NT5DC2: variants seen among roughly 807,000 people sequenced by gnomAD.
NT5DC2 encodes 5'-nucleotidase domain-containing protein 2.
NT5DC2 carries 41 observed loss-of-function variants against 70.0 expected under a neutral mutation model. The observed-to-expected ratio is 0.59, with a 90% CI of 0.46 to 0.76. The LOEUF (loss-of-function observed/expected upper bound fraction) is 0.76, where lower values mean the gene tolerates loss of function less well. Ranked by LOEUF, NT5DC2 falls within the 30% of genes least tolerant of loss-of-function variation. NT5DC2 has a pLI of 0.00. For synonymous variants in NT5DC2, 299 were observed against 310.4 expected (o/e 0.96, Z 0.39); for missense variants, 705 against 783.2 (o/e 0.90, Z 1.19).
Position 52,533,775 on chromosome 3 carries a change from G to GCCCGCCCGCCGCCCGCCGC in NT5DC2, c.-39_-38insGCGGCGGGCGGCGGGCGGG. ...CCGCCCGCCGCCCGCGCTGCCCTCG[G>GCCCGCCCGCCGCCCGCCGC]CCAGCCCGCCGCCCGCCGCCCGCCG... On this transcript the variant is annotated 5_prime_UTR_variant, in exon 1 of 14. Transcript: ENST00000422318. The GCCCGCCCGCCGCCCGCCGC allele has an allele frequency of 1.1e-6, 1 of 911,506 alleles. No individual in the cohort carries two copies. Among genetic ancestry groups the GCCCGCCCGCCGCCCGCCGC allele is most frequent in the Non-Finnish European group, 1.3e-6 (1 of 795,996 alleles). The allele number at this position is 911,506 out of a possible 1,614,324, so 56.5% of individuals were successfully genotyped here.
rs1403232533 is a variant in NT5DC2, at chr3:52,529,001, C to G, written c.418-66G>C. The G allele has an allele frequency of 1.3e-6, 2 of 1,598,592 alleles. No individual in the cohort carries two copies. The highest frequency in any genetic ancestry group is 2.7e-5 in the African/African-American group (2 of 74,646). On this transcript the variant is annotated intron_variant, in intron 2 of 13. Transcript: ENST00000422318. This position sits in a 1 kb window ranked among gnomAD's most constrained non-coding sequence, Gnocchi z 4.1. ...CCAGACCTGCTGGCTGGGTGGCCAC[C>G]CCAGGGGGTCAATCCAGCCACCTGC...
intron 3 of NT5DC2, 58 bp downstream of exon 3, chr3:52,528,803 A>ATCC (rs1559739228): frequency 6.2e-7 from 1 of 1,601,124 alleles, no homozygotes; most frequent in East Asian, 2.2e-5. Context: ...ACGGAGGGGT[A>ATCC]ATGACCATAC....
chr3:52,534,592 A>G, upstream of NT5DC2: 1 of 1,613,846 alleles, frequency 6.2e-7, no homozygotes, highest in Non-Finnish European at 8.5e-7. Context: ...CTTTTCTAGC[A>G]ACGTCGACAG....
upstream of NT5DC2, chr3:52,534,794 G>T: frequency 1.0e-6 from 1 of 999,024 alleles, no homozygotes; most frequent in Non-Finnish European, 1.5e-6. Flanking sequence ...TGGCCGCGCT[G>T]TCTTTCAGGG....
intron 1 of NT5DC2, among the ~76,000 whole-genome samples, chr3:52,530,699 TA>T (rs1478920334): frequency 1.3e-5 from 2 of 151,890 alleles, no homozygotes; most frequent in African/African-American, 4.8e-5. Context: ...AAAACATTTT[TA>T]AAAAGAAAAA....
Position 52,529,358 on chromosome 3 carries a change from G to C in NT5DC2, c.233-24C>G, listed in dbSNP as rs2079329169. ...GTCTAGAGGAAGGAGATGCAGGGAG[G>C]CAGTGATGGGGATGATGATCCCTGC... is the stretch of plus-strand genomic sequence containing the variant. On this transcript the variant is annotated intron_variant, in intron 1 of 13. Coordinates refer to ENST00000422318, the MANE Select transcript of NT5DC2 (RefSeq NM_001134231.2). This position sits in a 1 kb window ranked among gnomAD's most constrained non-coding sequence, Gnocchi z 4.1. The C allele has an allele frequency of 6.2e-7, 1 of 1,608,142 alleles. No homozygotes were observed. Among genetic ancestry groups the C allele is most frequent in the African/African-American group, 1.3e-5 (1 of 74,920 alleles).
intron 1 of NT5DC2, chr3:52,532,275 C>T (rs1172111347): frequency 2.2e-5 from 22 of 985,266 alleles, no homozygotes; most frequent in South Asian, 9.4e-5. Flanking sequence ...AGTAGATCCC[C>T]GTAGTCCTCC....
upstream of NT5DC2, chr3:52,533,969 TC>T: frequency 2.6e-6 from 1 of 385,998 alleles, no homozygotes; most frequent in Non-Finnish European, 3.5e-6. Flanking sequence ...CCCAGCCCCC[TC>T]CCCCAGCCAG....
rs139342744 is a variant in NT5DC2, at chr3:52,528,893, C to T, written c.460G>A (p.Ala154Thr). 13 of 1,613,926 alleles carry T rather than the reference C, an allele frequency of 8.1e-6. No individual in the cohort carries two copies. The African/African-American group carries it at 1.1e-4, about 13-fold the overall frequency. ...ATGTCATAGTGGAGGCCACGGATGGCAAAGCTGGGGTTGTAGTCATACTTC... is the reference window on the plus strand; with the variant it reads ...ATGTCATAGTGGAGGCCACGGATGGTAAAGCTGGGGTTGTAGTCATACTTC... ...IRKYDYNPSF[A>T]IRGLHYDIQK... Residue 154 changes from alanine (A) to threonine (T), a missense_variant, in exon 3 of 14, where the codon GCC becomes ACC. Ala to Thr is a moderately conservative substitution (Grantham distance 58). Transcript: ENST00000422318.
Position 52,525,220 on chromosome 3 carries a change from T to C in NT5DC2, c.1195A>G (p.Ser399Gly), listed in dbSNP as rs1284620726. 6.2e-7 allele frequency: 1 copy of C among 1,611,992 alleles called. No individual in the cohort carries two copies. The highest frequency in any genetic ancestry group is 1.7e-5 in the Admixed American group (1 of 59,952). ...CCTGCCTCCCTCACCGCCAGATCAC[T>C]ATAGAGGTGGTCCCCGAAGTAGAGC... is the stretch of plus-strand genomic sequence containing the variant. Reference protein sequence around the residue: ...RVLYFGDHLYSDLADLMLRHG... With the variant: ...RVLYFGDHLYGDLADLMLRHG... Residue 399 changes from serine to glycine, a missense_variant, in exon 11 of 14, where the codon AGT becomes GGT. Transcript: ENST00000422318.
At chr3:52,534,140 G>A, upstream of NT5DC2, 1 of 294,994 alleles carries the variant, frequency 3.4e-6, no homozygotes, top group Non-Finnish European at 6.5e-6. Flanking sequence ...GACAGCCGGA[G>A]CGCGACGGGT....
rs2153239070 is a variant in NT5DC2 at position 52,529,291 on chromosome 3, G to A, written c.276C>T (p.Ala92=). Residue 92 remains alanine (A), a synonymous_variant, in exon 2 of 14, where the codon GCC becomes GCT. Coordinates refer to ENST00000422318, the MANE Select transcript of NT5DC2 (RefSeq NM_001134231.2). The surrounding 1 kb of genome is among the most constrained non-coding windows in gnomAD (Gnocchi z 4.1). ...PEVCSLLNPA[A]IYANNEISLR... Reference sequence around the variant, plus strand: ...GGCTGATCTCGTTGTTGGCGTAGATGGCTGCTGGGTTCAGGAGACTGCAGA... The same window carrying A: ...GGCTGATCTCGTTGTTGGCGTAGATAGCTGCTGGGTTCAGGAGACTGCAGA... The A allele has an allele frequency of 1.9e-6, 3 of 1,613,908 alleles. No homozygotes were observed. Among genetic ancestry groups the A allele is most frequent in the Non-Finnish European group, 2.5e-6 (3 of 1,179,998 alleles).
chr3:52,527,504 C>T, intron 9 of NT5DC2, 113 bp downstream of exon 9: 1 of 1,460,268 alleles, frequency 6.8e-7, no homozygotes, highest in Non-Finnish European at 9.4e-7. Flanking sequence ...GTTCTCACCC[C>T]AAGCACATTG....
chr3:52,534,149 G>A (rs950476671), upstream of NT5DC2: 1 of 298,732 alleles, frequency 3.3e-6, no homozygotes, highest in Non-Finnish European at 6.4e-6. Context: ...AGCGCGACGG[G>A]TACCCCCCGG....
Position 52,527,657 on chromosome 3 carries a change from C to T in NT5DC2, c.997G>A (p.Val333Ile). The T allele has an allele frequency of 6.2e-7, 1 of 1,613,196 alleles. No homozygotes were observed. Among genetic ancestry groups the T allele is most frequent in the Non-Finnish European group, 8.5e-7 (1 of 1,180,032 alleles). Residue 333 changes from valine (V) to isoleucine (I), a missense_variant, in exon 9 of 14, where the codon GTC (valine) becomes ATC (isoleucine). Val to Ile is a conservative substitution (Grantham distance 29, BLOSUM62 3). Coordinates refer to ENST00000422318, the MANE Select transcript of NT5DC2 (RefSeq NM_001134231.2). ...AAGAAGCTGGGCTTGTCTGCCTGGA[C>T]AATGACCACATCGAAGAGCTGGCGC... is the stretch of plus-strand genomic sequence containing the variant. Reference protein sequence around the residue: ...DWRQLFDVVIVQADKPSFFTD... With the variant: ...DWRQLFDVVIIQADKPSFFTD...
Position 52,529,353 on chromosome 3 carries a change from G to T in NT5DC2, c.233-19C>A, listed in dbSNP as rs774596323. 1.2e-6 allele frequency: 2 copies of T among 1,610,828 alleles called. No individual in the cohort carries two copies. Among genetic ancestry groups the T allele is most frequent in the Admixed American group, 3.3e-5 (2 of 59,776 alleles). On this transcript the variant is annotated intron_variant, in intron 1 of 13. Transcript: ENST00000422318. This position sits in a 1 kb window ranked among gnomAD's most constrained non-coding sequence, Gnocchi z 4.1. ...AGGAGGTCTAGAGGAAGGAGATGCA[G>T]GGAGGCAGTGATGGGGATGATGATC...
Position 52,525,715 on chromosome 3 carries a change from G to A in NT5DC2, c.1120-420C>T, listed in dbSNP as rs549928906. On this transcript the variant is annotated intron_variant, in intron 10 of 13. Transcript: ENST00000422318. ...GGGCCACCAGCATCTTGGAGCCAGA[G>A]AAAGATGGAGACACTCAGCCAGGCC... 225 of 180,804 alleles carry A rather than the reference G, an allele frequency of 1.2e-3. 1 individual carries two copies. The highest frequency in any genetic ancestry group is 5.0e-3 in the Middle Eastern group (2 of 402). The allele number at this position is 180,804 out of a possible 1,614,324, so 11.2% of individuals were successfully genotyped here. A position where few individuals can be genotyped will look rare whatever the true frequency, so the allele number is the denominator to read the frequency against.
rs780072858 is a variant in NT5DC2, at chr3:52,524,943, A to G, written c.1347+20T>C. The G allele has an allele frequency of 1.2e-6, 2 of 1,612,182 alleles. No homozygotes were observed. The highest frequency in any genetic ancestry group is 3.3e-5 in the Admixed American group (2 of 59,978). ...AGGAGGCTACCGCCCTGGCCCTCCC[A>G]CAGCCACCCCGGCCCACACCTGCAT... On this transcript the variant is annotated intron_variant, in intron 12 of 13. Transcript: ENST00000422318.
chr3:52,534,689 C>A, upstream of NT5DC2: 1 of 1,579,184 alleles, frequency 6.3e-7, no homozygotes, highest in Non-Finnish European at 8.6e-7. Context: ...AGCCCGCACG[C>A]ATACCAGGCT....
Sources: allele counts gnomAD v4.1 joint callset (sites outside exome capture counted in the v4.1 genomes callset), GRCh38; gene constraint gnomAD v4.1.1; non-coding constraint Gnocchi (gnomAD v3.1); transcripts MANE v1.5; gene names NCBI Gene and HGNC (gene_info 2026-07-23, HGNC 2026-07-21).